The following TYW1B variants were observed in gnomAD, a reference collection of about 807,000 sequenced individuals.
The protein encoded by TYW1B is tRNA-yW synthesizing protein 1 homolog B.
In TYW1B, 73 loss-of-function variants were observed where a neutral mutation model predicts 86.9. The observed-to-expected ratio is 0.84, with a 90% CI of 0.70 to 1.02. TYW1B has a LOEUF of 1.02. TYW1B is among the 50% of genes least tolerant of loss of function. The probability of loss-of-function intolerance (pLI) is 0.00; values close to 1 mark genes in which losing one functional copy is unlikely to be tolerated. For synonymous variants in TYW1B, 248 were observed against 292.8 expected (o/e 0.85, Z 1.56); for missense variants, 637 against 827.4 (o/e 0.77, Z 2.82).
At chr7:72,767,599 G>T (rs546656118) in intron 7 of TYW1B, among the ~76,000 whole-genome samples, 150 of 152,002 alleles carry the variant, frequency 9.9e-4, no homozygotes, top group African/African-American at 3.5e-3. Context: ...GACAGAGCAA[G>T]ACCCCGTCTC....
At chr7:72,626,687 C>A (rs1362768138) in intron 12 of TYW1B, among the ~76,000 whole-genome samples, 1 of 152,092 alleles carries the variant, frequency 6.6e-6, no homozygotes, top group African/African-American at 2.4e-5. Flanking sequence ...TATAACCTAG[C>A]AAAACGTTTT....
chr7:72,713,136 TA>T (rs11335165), intron 10 of TYW1B, among the ~76,000 whole-genome samples: 1,594 of 141,446 alleles, frequency 0.011, 26 homozygotes, highest in African/African-American at 0.034. Context: ...CCATCTCTAT[TA>T]AAAAAAAAAA....
At chr7:72,607,282 A>G (rs1811822337) in intron 13 of TYW1B, among the ~76,000 whole-genome samples, 1 of 151,308 alleles carries the variant, frequency 6.6e-6, no homozygotes, top group Admixed American at 6.6e-5. Context: ...AATCCCAGCT[A>G]CTCAGGAGGC....
chr7:72,777,722 C>A (rs1448321136), intron 6 of TYW1B, among the ~76,000 whole-genome samples, 189 bp from the exon 7 acceptor site: 3 of 152,060 alleles, frequency 2.0e-5, no homozygotes, highest in East Asian at 3.9e-4. Flanking sequence ...TCGAGACCAG[C>A]CCGGCCAACA....
intron 7 of TYW1B, among the ~76,000 whole-genome samples, chr7:72,773,882 T>G (rs1262802846): frequency 6.6e-6 from 1 of 151,836 alleles, no homozygotes; most frequent in East Asian, 1.9e-4. Context: ...CTGACCAACA[T>G]GGTGAAACCC....
intron 2 of TYW1B, among the ~76,000 whole-genome samples, chr7:72,819,453 GAGA>G (rs137862978): frequency 0.013 from 1,939 of 152,194 alleles, 25 homozygotes; most frequent in Non-Finnish European, 0.021. Flanking sequence ...ATTTTTTTGA[GAGA>G]AGGTCTCACT....
intron 11 of TYW1B, among the ~76,000 whole-genome samples, chr7:72,655,771 C>T (rs1159912281): frequency 2.6e-5 from 4 of 152,176 alleles, no homozygotes; most frequent in Non-Finnish European, 5.9e-5. Flanking sequence ...GCCCTGAAAA[C>T]GTGGTTTCTC....
At chr7:72,673,075 G>A (rs1404345441) in intron 11 of TYW1B, among the ~76,000 whole-genome samples, 1 of 152,204 alleles carries the variant, frequency 6.6e-6, no homozygotes, top group Non-Finnish European at 1.5e-5. Flanking sequence ...GGCTGAGGCA[G>A]GAGAATTGCT....
At chr7:72,746,271 C>T (rs1330059949) in intron 7 of TYW1B, among the ~76,000 whole-genome samples, 3 of 151,900 alleles carry the variant, frequency 2.0e-5, no homozygotes, top group Non-Finnish European at 4.4e-5. Context: ...CATCTTAGTA[C>T]TGCATTTGAA....
At chr7:72,597,863 C>G (rs1554432921) in intron 13 of TYW1B, among the ~76,000 whole-genome samples, 1 of 151,670 alleles carries the variant, frequency 6.6e-6, no homozygotes, top group Non-Finnish European at 1.5e-5. Context: ...TAGATGACTT[C>G]AAAGAACAAG....
At chr7:72,737,410 G>C (rs1787215532) in intron 8 of TYW1B, among the ~76,000 whole-genome samples, 1 of 152,076 alleles carries the variant, frequency 6.6e-6, no homozygotes, top group Non-Finnish European at 1.5e-5. Flanking sequence ...CAAAACTCTG[G>C]GTAAATGTAC....
chr7:72,807,155 T>C lies in TYW1B; in HGVS notation c.634A>G (p.Lys212Glu). Reference sequence around the variant, plus strand: ...TGTTGGTGAGATTCACATTTGCCTTTCTTGCAGTGGCCGCCACAGGACTTC... The same window carrying C: ...TGTTGGTGAGATTCACATTTGCCTTCCTTGCAGTGGCCGCCACAGGACTTC... Reference protein sequence around the residue: ...RKKSCGGHCKKGKCESHQHGS... With the variant: ...RKKSCGGHCKEGKCESHQHGS... The change falls in exon 5 of 14, where the codon AAA becomes GAA. Residue 212 changes from lysine to glutamate, a missense_variant. Lys to Glu is a moderately conservative substitution (Grantham distance 56). Coordinates refer to ENST00000620995, the MANE Select transcript of TYW1B (RefSeq NM_001145440.3). 6.2e-7 allele frequency: 1 copy of C among 1,614,110 alleles called. No individual in the cohort carries two copies. The highest frequency in any genetic ancestry group is 8.5e-7 in the Non-Finnish European group (1 of 1,180,010).
chr7:72,588,207 T>C (rs1265665769), intron 13 of TYW1B, among the ~76,000 whole-genome samples: 1 of 152,252 alleles, frequency 6.6e-6, no homozygotes, highest in Non-Finnish European at 1.5e-5. Context: ...TAAGATTACA[T>C]TCTTGACATA....
intron 2 of TYW1B, among the ~76,000 whole-genome samples, chr7:72,823,795 A>G (rs550927134): frequency 1.3e-5 from 2 of 152,154 alleles, no homozygotes; most frequent in Non-Finnish European, 2.9e-5. Context: ...TAATATAGTC[A>G]ATAACTTTTA....
intron 8 of TYW1B, among the ~76,000 whole-genome samples, chr7:72,730,407 C>T (rs1372060943): frequency 2.0e-5 from 3 of 147,478 alleles, no homozygotes; most frequent in Admixed American, 6.8e-5. Flanking sequence ...AAACAGAAAA[C>T]TTGAAGGTGA....
chr7:72,672,618 T>C lies in TYW1B; in HGVS notation c.1506+22069A>G, dbSNP rs1288372609. Among the ~76,000 whole-genome samples, 13 of 152,150 alleles carry C rather than the reference T, an allele frequency of 8.5e-5. No individual in the cohort carries two copies. In the South Asian group the frequency reaches 1.5e-3, roughly 17 times the overall value. ...TAGAAAGGGCAGTACTCGAGGGATGTAGGAACCTCGAATAGAGAAGGCCAA... is the reference window on the plus strand; with the variant it reads ...TAGAAAGGGCAGTACTCGAGGGATGCAGGAACCTCGAATAGAGAAGGCCAA... On this transcript the variant is annotated intron_variant, in intron 11 of 13. Transcript: ENST00000620995.
chr7:72,774,496 G>A (rs1787920178), intron 7 of TYW1B, among the ~76,000 whole-genome samples: 1 of 152,008 alleles, frequency 6.6e-6, no homozygotes, highest in African/African-American at 2.4e-5. Context: ...GCCAAGGTGG[G>A]CAGATCAGGA....
chr7:72,729,004 G>A lies in TYW1B; in HGVS notation c.1083-73C>T, dbSNP rs562166061. 7.1e-5 allele frequency: 100 copies of A among 1,417,350 alleles called. 1 individual carries two copies. In the South Asian group the frequency reaches 7.6e-4, roughly 11 times the overall value. The allele number at this position is 1,417,350 out of a possible 1,614,324, so 87.8% of individuals were successfully genotyped here. A position where few individuals can be genotyped will look rare whatever the true frequency, so the allele number is the denominator to read the frequency against. ...TGGGCTAGTCATTTATGATGAAGTC[G>A]TCCATTTTTAAAAAATCACAAAATC... On this transcript the variant is annotated intron_variant, in intron 8 of 13. Coordinates refer to ENST00000620995, the MANE Select transcript of TYW1B (RefSeq NM_001145440.3).
At chr7:72,743,450 G>A (rs1317034057) in intron 8 of TYW1B, among the ~76,000 whole-genome samples, 1 of 152,166 alleles carries the variant, frequency 6.6e-6, no homozygotes, top group African/African-American at 2.4e-5. Flanking sequence ...TGATAGTAAG[G>A]AAGTCATTAG....
Sources: allele counts gnomAD v4.1 joint callset (sites outside exome capture counted in the v4.1 genomes callset), GRCh38; gene constraint gnomAD v4.1.1; transcripts MANE v1.5; gene names NCBI Gene and HGNC (gene_info 2026-07-23, HGNC 2026-07-21).